Variants in ACYP2 observed in about 807,000 individuals in gnomAD.
ACYP2 encodes the protein acylphosphatase-2.
Under a neutral mutation model 11.2 loss-of-function variants are expected in ACYP2, and 12 were observed. The observed-to-expected ratio is 1.08, with a 90% CI of 0.69 to 1.74. The LOEUF is 1.74. Ranked by LOEUF, ACYP2 falls within the 40% of genes most tolerant of loss-of-function variation. The probability of loss-of-function intolerance (pLI) is 0.00; values close to 1 mark genes in which losing one functional copy is unlikely to be tolerated. For synonymous variants in ACYP2, 43 were observed against 32.2 expected (o/e 1.33, Z -1.13); for missense variants, 134 against 101.9 (o/e 1.31, Z -1.35).
At chr2:54,267,429 A>G (rs1159966012) in intron 6 of ACYP2, 15 of 1,387,300 alleles carry the variant, frequency 1.1e-5, no homozygotes, top group Non-Finnish European at 1.5e-5. Context: ...GTGGGAACAG[A>G]AGGAGGGAGA....
intron 6 of ACYP2, among the ~76,000 whole-genome samples, chr2:54,285,455 G>A (rs1415704599): frequency 1.3e-5 from 2 of 152,120 alleles, no homozygotes; most frequent in East Asian, 1.9e-4. Flanking sequence ...TCTGTAATCA[G>A]TTCCCAATTT....
intron 4 of ACYP2, among the ~76,000 whole-genome samples, chr2:54,112,181 C>T (rs1435230707): frequency 1.3e-5 from 2 of 152,028 alleles, no homozygotes; most frequent in Non-Finnish European, 2.9e-5. Context: ...TATGTATTAC[C>T]TTAAACATGA....
intron 2 of ACYP2, among the ~76,000 whole-genome samples, chr2:54,038,797 A>T (rs1675055098): frequency 9.3e-6 from 1 of 108,108 alleles, no homozygotes. Context: ...TTGTCAGAAT[A>T]GGTAAAAAAA....
intron 4 of ACYP2, among the ~76,000 whole-genome samples, chr2:54,075,719 A>G (rs1036474940): frequency 6.6e-6 from 1 of 152,022 alleles, no homozygotes; most frequent in Non-Finnish European, 1.5e-5. Context: ...AGGCTGAGAC[A>G]GGAGAATCAC....
chr2:54,289,001 C>T (rs911277074), intron 6 of ACYP2, among the ~76,000 whole-genome samples: 14 of 151,958 alleles, frequency 9.2e-5, no homozygotes, highest in Admixed American at 9.2e-4. Context: ...ATCTAAAAGT[C>T]ATTTGGAAAA....
At chr2:54,286,440 T>A (rs1573053058) in intron 6 of ACYP2, among the ~76,000 whole-genome samples, 1 of 151,420 alleles carries the variant, frequency 6.6e-6, no homozygotes, top group African/African-American at 2.4e-5. Context: ...TTACAAAGAG[T>A]CCCCCCATCA....
At chr2:54,116,844 A>C (rs535037600) in intron 4 of ACYP2, among the ~76,000 whole-genome samples, 70 of 152,264 alleles carry the variant, frequency 4.6e-4, no homozygotes, top group African/African-American at 1.5e-3. Context: ...GCACAGTCTA[A>C]GCTAATTCCG....
intron 4 of ACYP2, among the ~76,000 whole-genome samples, chr2:54,069,890 A>C (rs1384258099): frequency 2.0e-5 from 3 of 152,144 alleles, no homozygotes; most frequent in African/African-American, 7.2e-5. Context: ...ATTTTAATGA[A>C]AGAGAGAAGA....
chr2:54,097,230 C>G (rs995416461), intron 4 of ACYP2, among the ~76,000 whole-genome samples: 8 of 152,210 alleles, frequency 5.3e-5, no homozygotes, highest in African/African-American at 1.9e-4. Flanking sequence ...CTTATTTCCT[C>G]ACAGCACTTA....
chr2:53,994,380 A>T (rs911547779), intron 2 of ACYP2, among the ~76,000 whole-genome samples: 15 of 144,798 alleles, frequency 1.0e-4, no homozygotes, highest in Admixed American at 7.5e-4. Flanking sequence ...TTAGCCAGGC[A>T]TGGTGGCACG....
At chr2:54,194,722 T>C (rs74615114) in intron 6 of ACYP2, among the ~76,000 whole-genome samples, 2,170 of 152,314 alleles carry the variant, frequency 0.014, 62 homozygotes, top group African/African-American at 0.048. Flanking sequence ...GTCATGTTAT[T>C]ATCAATTTGT....
chr2:54,051,668 GA>G, intron 3 of ACYP2: 1 of 711,408 alleles, frequency 1.4e-6, no homozygotes, highest in Non-Finnish European at 2.6e-6. Flanking sequence ...GGAAAAATAT[GA>G]AAGGATATTG....
chr2:54,137,696 G>T (rs955285742), intron 5 of ACYP2, among the ~76,000 whole-genome samples: 3 of 152,138 alleles, frequency 2.0e-5, no homozygotes, highest in Non-Finnish European at 2.9e-5. Flanking sequence ...TGGGCATTTA[G>T]GTTGATTCCA....
rs541571023 is a variant in ACYP2 at position 54,072,818 on chromosome 2, C to T, written c.277+15458C>T. On this transcript the variant is annotated intron_variant, in intron 4 of 6. Coordinates refer to ENST00000607452, the MANE Select transcript of ACYP2 (RefSeq NM_001320586.2). ...CCTCAAATGATCTGCCTGCCTCAGC[C>T]TCCCAAAGTGCTAGGATTACAGACG... Among the ~76,000 whole-genome samples, 254 of 152,236 alleles carry T rather than the reference C, an allele frequency of 1.7e-3. 2 individuals are homozygous for T. Among genetic ancestry groups the T allele is most frequent in the African/African-American group, 5.9e-3 (245 of 41,552 alleles).
chr2:54,304,840 C>T lies in ACYP2; in HGVS notation c.*38C>T. The T allele has an allele frequency of 8.4e-7, 1 of 1,189,222 alleles. No individual in the cohort carries two copies. Among genetic ancestry groups the T allele is most frequent in the Non-Finnish European group, 1.2e-6 (1 of 811,256 alleles). The allele number at this position is 1,189,222 out of a possible 1,614,324, so 73.7% of individuals were successfully genotyped here. ...ATTGTAACACACTGAACAATAGATACTGTATGTTCTTAAGACTATGTATAC... is the reference window on the plus strand; with the variant it reads ...ATTGTAACACACTGAACAATAGATATTGTATGTTCTTAAGACTATGTATAC... On this transcript the variant is annotated 3_prime_UTR_variant, in exon 7 of 7. Transcript: ENST00000607452.
intron 6 of ACYP2, 130 bp downstream of exon 3, chr2:54,138,878 T>A: frequency 1.4e-6 from 1 of 704,370 alleles, no homozygotes; most frequent in Non-Finnish European, 2.4e-6. Flanking sequence ...CTACAACCTC[T>A]GCCTTCCAGG....
chr2:54,187,535 G>C (rs572663165), intron 6 of ACYP2, among the ~76,000 whole-genome samples: 148 of 152,200 alleles, frequency 9.7e-4, no homozygotes, highest in Non-Finnish European at 1.5e-3. Flanking sequence ...GAGATGTAGG[G>C]AAGGATAAGA....
chr2:54,113,815 A>G (rs1252775613), intron 4 of ACYP2, among the ~76,000 whole-genome samples: 1 of 151,974 alleles, frequency 6.6e-6, no homozygotes, highest in Non-Finnish European at 1.5e-5. Context: ...TCTTGACTAT[A>G]GTTTAAATGC....
intron 6 of ACYP2, among the ~76,000 whole-genome samples, chr2:54,189,979 C>G (rs543798768): frequency 6.6e-6 from 1 of 152,192 alleles, no homozygotes; most frequent in South Asian, 2.1e-4. Flanking sequence ...TTTTCGTATA[C>G]CTGTTGGACA....
Sources: allele counts gnomAD v4.1 joint callset (sites outside exome capture counted in the v4.1 genomes callset), GRCh38; gene constraint gnomAD v4.1.1; transcripts MANE v1.5; gene names NCBI Gene and HGNC (gene_info 2026-07-23, HGNC 2026-07-21).